MYH15: variants seen among roughly 807,000 people sequenced by gnomAD.
The protein encoded by MYH15 is myosin heavy chain 15, also known as myosin-15.
A neutral mutation model predicts 240.5 loss-of-function variants in MYH15; 227 were observed. The observed-to-expected ratio is 0.94, with a 90% CI of 0.85 to 1.05. MYH15 has a LOEUF of 1.05. Among genes scored for constraint, MYH15 ranks in the 50% least tolerant of loss-of-function variants. MYH15 has a pLI of 0.00. For missense variants in MYH15, 2,217 were observed against 2,247.5 expected (o/e 0.99, Z 0.27); for synonymous variants, 785 against 796.7 (o/e 0.99, Z 0.25).
upstream of MYH15, among the ~76,000 whole-genome samples, chr3:108,531,288 C>G (rs1231210642): frequency 6.6e-6 from 1 of 152,234 alleles, no homozygotes; most frequent in Admixed American, 6.5e-5. Context: ...GGTGGGACCC[C>G]AGGGAGAGTT....
chr3:108,495,930 C>A, intron 6 of MYH15, 58 bp from the exon 7 acceptor site: 2 of 1,326,088 alleles, frequency 1.5e-6, no homozygotes, highest in Non-Finnish European at 2.1e-6. Flanking sequence ...TTCTGTAATG[C>A]GGCAAGCCCT....
In MYH15 at chr3:108,486,511, G is replaced by A. The variant is rs2083307432; in HGVS notation, c.887C>T (p.Ser296Phe). Residue 296 changes from serine to phenylalanine, a missense_variant, in exon 10 of 41, where the codon TCT becomes TTT. Physicochemically the swap from Ser to Phe is radical, Grantham distance 155. Coordinates refer to ENST00000693548, the MANE Select transcript of MYH15 (RefSeq NM_014981.3). ...QKELHDLLLVSANPSDFHFCS... is the reference protein window; with the variant it reads ...QKELHDLLLVFANPSDFHFCS... ...AAAGTGGAAGTCTGAGGGATTTGCA[G>A]ATACCAGGAGCAGGTCTAGAGTGGG... 2 of 1,610,958 alleles carry A rather than the reference G, an allele frequency of 1.2e-6. No individual in the cohort carries two copies. The highest frequency in any genetic ancestry group is 8.5e-7 in the Non-Finnish European group (1 of 1,177,666).
chr3:108,430,750 G>T, intron 26 of MYH15, 82 bp downstream of exon 26: 3 of 1,083,558 alleles, frequency 2.8e-6, no homozygotes, highest in Non-Finnish European at 4.1e-6. Context: ...TGAATACCTT[G>T]GCAGAGAATT....
At chr3:108,407,984 T>C (rs564020083) in intron 32 of MYH15, among the ~76,000 whole-genome samples, 7 of 152,224 alleles carry the variant, frequency 4.6e-5, no homozygotes, top group Non-Finnish European at 1.0e-4. Flanking sequence ...AGTGAGGGTC[T>C]GGGCACTGGG....
chr3:108,489,545 A>T (rs1356747674), intron 9 of MYH15, among the ~76,000 whole-genome samples: 1 of 152,172 alleles, frequency 6.6e-6, no homozygotes, highest in African/African-American at 2.4e-5. Context: ...TTGAGAGCAA[A>T]GGAGTGAAGG....
At chr3:108,492,954 G>T (rs1188862655) in intron 8 of MYH15, among the ~76,000 whole-genome samples, 160 bp downstream of exon 8, 2 of 142,046 alleles carry the variant, frequency 1.4e-5, no homozygotes. Flanking sequence ...TGTCAAGAAA[G>T]AAAAGAAAAG....
At chr3:108,440,592 A>C (rs2107568464) in intron 23 of MYH15, among the ~76,000 whole-genome samples, 1 of 152,220 alleles carries the variant, frequency 6.6e-6, no homozygotes, top group East Asian at 1.9e-4. Context: ...AACTAGAATT[A>C]AAGTGACATC....
intron 27 of MYH15, among the ~76,000 whole-genome samples, chr3:108,427,598 GAC>G (rs71629356): frequency 7.0e-6 from 1 of 142,664 alleles, no homozygotes; most frequent in African/African-American, 2.6e-5. Context: ...AATGGACTAA[GAC>G]ACACACACAC....
At chr3:108,458,571 T>C (rs1478453365) in intron 18 of MYH15, among the ~76,000 whole-genome samples, 1 of 152,042 alleles carries the variant, frequency 6.6e-6, no homozygotes, top group African/African-American at 2.4e-5. Flanking sequence ...TAAGGGTGGT[T>C]AGTGCTCTGA....
intron 1 of MYH15, among the ~76,000 whole-genome samples, chr3:108,520,593 C>T (rs754137328): frequency 3.3e-5 from 5 of 152,100 alleles, no homozygotes; most frequent in Admixed American, 6.6e-5. Flanking sequence ...TGTCAGAAAA[C>T]GATCCCATTT....
At chr3:108,397,653 T>A (rs545251098) in intron 35 of MYH15, among the ~76,000 whole-genome samples, 1 of 152,330 alleles carries the variant, frequency 6.6e-6, no homozygotes, top group South Asian at 2.1e-4. Flanking sequence ...TATGGCTTCT[T>A]CTGATTCTAG....
chr3:108,441,777 A>AATTT (rs2107569384), intron 22 of MYH15, among the ~76,000 whole-genome samples: 1 of 152,354 alleles, frequency 6.6e-6, no homozygotes, highest in Admixed American at 6.5e-5. Flanking sequence ...TCATAGGCTA[A>AATTT]ATTTAGAATT....
At chr3:108,439,106 T>TG (rs1409932779) in intron 24 of MYH15, among the ~76,000 whole-genome samples, 1 of 151,762 alleles carries the variant, frequency 6.6e-6, no homozygotes, top group Non-Finnish European at 1.5e-5. Flanking sequence ...GGCTACACTT[T>TG]GGGGACTACT....
chr3:108,481,620 G>A (rs2083268590), intron 11 of MYH15, among the ~76,000 whole-genome samples: 2 of 152,162 alleles, frequency 1.3e-5, no homozygotes, highest in Admixed American at 1.3e-4. Flanking sequence ...AGAAGAGTTA[G>A]TGAAAATAGT....
intron 23 of MYH15, among the ~76,000 whole-genome samples, chr3:108,440,752 G>C (rs57937465): frequency 0.16 from 23,275 of 149,678 alleles, 1,952 homozygotes; most frequent in South Asian, 0.26. Flanking sequence ...CTCTATTACA[G>C]AGTTCAGATG....
At position 108,454,051 on chromosome 3, in the gene MYH15, T is replaced by A. The variant is rs756335958; in HGVS notation, c.2354A>T (p.Gln785Leu). The A allele has an allele frequency of 2.2e-5, 35 of 1,613,014 alleles. No homozygotes were observed. Among genetic ancestry groups the A allele is most frequent in the Non-Finnish European group, 3.0e-5 (35 of 1,179,386 alleles). ...GAATTTGATTCGCATCAGTTTGCCC[T>A]GTGCTCTGGCTTGGAACAATGTGAA... ...KVFTLFQARA[Q>L]GKLMRIKFQK... is the part of the protein sequence containing the mutation. Residue 785 changes from glutamine to leucine, a missense_variant, in exon 21 of 41, where the codon CAG becomes CTG. Transcript: ENST00000693548.
rs780604345 is a variant in MYH15, at chr3:108,428,787, G to C, written c.3407C>G (p.Ala1136Gly). ...RERADLTQDLADLNERLEEVG... is the reference protein window; with the variant it reads ...RERADLTQDLGDLNERLEEVG... Reference sequence around the variant, plus strand: ...CTCCTCCAGCCTCTCATTCAAGTCAGCCAGGTCTTGGGTGAGGTCAGCTCT... The same window carrying C: ...CTCCTCCAGCCTCTCATTCAAGTCACCCAGGTCTTGGGTGAGGTCAGCTCT... Residue 1136 changes from alanine (A) to glycine (G), a missense_variant, in exon 27 of 41, where the codon GCT (alanine) becomes GGT (glycine). Physicochemically the swap from Ala to Gly is moderately conservative, Grantham distance 60. Coordinates refer to ENST00000693548, the MANE Select transcript of MYH15 (RefSeq NM_014981.3). 4 of 1,613,960 alleles carry C rather than the reference G, an allele frequency of 2.5e-6. No homozygotes were observed. Among genetic ancestry groups the C allele is most frequent in the Non-Finnish European group, 2.5e-6 (3 of 1,179,986 alleles).
rs779513327 is a variant in MYH15 at position 108,389,086 on chromosome 3, A to T, written c.5431-12T>A. The T allele has an allele frequency of 3.1e-6, 5 of 1,612,618 alleles. No individual in the cohort carries two copies. The highest frequency in any genetic ancestry group is 4.2e-6 in the Non-Finnish European group (5 of 1,178,892). ...TCCAGTTCACGAACCTGCAACCAAA[A>T]CGTGACCTCAGACCAGACGCTGCCA... is the stretch of plus-strand genomic sequence containing the variant. On this transcript the variant is annotated splice_polypyrimidine_tract_variant and intron_variant, in intron 37 of 40. Coordinates refer to ENST00000693548, the MANE Select transcript of MYH15 (RefSeq NM_014981.3).
At chr3:108,502,888 A>G (rs889733524) in intron 2 of MYH15, among the ~76,000 whole-genome samples, 7 of 152,200 alleles carry the variant, frequency 4.6e-5, no homozygotes, top group African/African-American at 1.7e-4. Context: ...ATCTCCCCTC[A>G]AACCCATGCA....
Sources: allele counts gnomAD v4.1 joint callset (sites outside exome capture counted in the v4.1 genomes callset), GRCh38; gene constraint gnomAD v4.1.1; transcripts MANE v1.5; gene names NCBI Gene and HGNC (gene_info 2026-07-23, HGNC 2026-07-21).